Variants in ASTN2 observed in about 807,000 individuals in gnomAD.
ASTN2 encodes astrotactin-2.
A neutral mutation model predicts 139.8 loss-of-function variants in ASTN2; 54 were observed. The ratio of observed to expected loss-of-function variants is 0.39; its 90% CI spans 0.31 to 0.48. The LOEUF is 0.48. ASTN2 is among the 20% of genes least tolerant of loss of function. The pLI is 0.95. For synonymous variants in ASTN2, 756 were observed against 719.5 expected (o/e 1.05, Z -0.81); for missense variants, 1,565 against 1,725.1 (o/e 0.91, Z 1.64).
intron 3 of ASTN2, among the ~76,000 whole-genome samples, chr9:117,203,282 T>C (rs753973172): frequency 7.9e-5 from 12 of 152,092 alleles, no homozygotes; most frequent in Non-Finnish European, 1.2e-4. Flanking sequence ...TGTTAGAACA[T>C]GCTCCTTTAG....
chr9:116,880,368 G>A (rs1005628331), intron 10 of ASTN2, among the ~76,000 whole-genome samples: 8 of 152,166 alleles, frequency 5.3e-5, no homozygotes, highest in Non-Finnish European at 7.3e-5. Flanking sequence ...CTGTCACTGT[G>A]AATATAATCA....
rs561472170 is a variant in ASTN2 at position 116,471,977 on chromosome 9, A to G, written c.3497+15382T>C. On this transcript the variant is annotated intron_variant, in intron 20 of 22. Transcript: ENST00000313400. The stretch of plus-strand genomic sequence containing the variant: ...AAACCCGCGAGTGCAACAGCCCCAC[A>G]TGCCATGACCTCCATCGTCTGTCTC... Among the ~76,000 whole-genome samples, 4 of 152,204 alleles carry G rather than the reference A, an allele frequency of 2.6e-5. No homozygotes were observed. In the East Asian group the frequency reaches 7.8e-4, roughly 29 times the overall value.
At chr9:116,633,727 A>G (rs547457711) in intron 17 of ASTN2, among the ~76,000 whole-genome samples, 2 of 152,234 alleles carry the variant, frequency 1.3e-5, no homozygotes, top group South Asian at 4.1e-4. Context: ...TATCTGAGGG[A>G]GGAAGCCTCT....
At chr9:116,892,366 G>T (rs373390777) in intron 10 of ASTN2, among the ~76,000 whole-genome samples, 7 of 152,130 alleles carry the variant, frequency 4.6e-5, no homozygotes, top group East Asian at 3.8e-4. Flanking sequence ...AATTGACAGA[G>T]TCTTAGCTTA....
intron 11 of ASTN2, among the ~76,000 whole-genome samples, chr9:116,831,667 C>A (rs1186530058): frequency 6.6e-6 from 1 of 152,068 alleles, no homozygotes; most frequent in Non-Finnish European, 1.5e-5. Context: ...GGGGTGAAAG[C>A]AGCATAAATT....
At chr9:116,604,146 T>C (rs1179191481) in intron 19 of ASTN2, among the ~76,000 whole-genome samples, 18 of 152,188 alleles carry the variant, frequency 1.2e-4, no homozygotes, top group Admixed American at 1.2e-3. Flanking sequence ...ATGCCTGTCC[T>C]GTTACCATTC....
intron 1 of ASTN2, among the ~76,000 whole-genome samples, chr9:117,309,454 T>C (rs183175079): frequency 6.6e-6 from 1 of 152,194 alleles, no homozygotes; most frequent in Non-Finnish European, 1.5e-5. Context: ...CAATACTGTT[T>C]GCAGAATGCG....
intron 1 of ASTN2, among the ~76,000 whole-genome samples, chr9:117,310,273 G>A (rs569597445): frequency 6.2e-4 from 94 of 152,252 alleles, no homozygotes; most frequent in African/African-American, 2.2e-3. Flanking sequence ...AGGGGTGGAA[G>A]GCTTACTTTC....
intron 3 of ASTN2, among the ~76,000 whole-genome samples, chr9:117,144,427 G>A (rs1487284877): frequency 2.6e-5 from 4 of 152,114 alleles, no homozygotes; most frequent in African/African-American, 9.7e-5. Flanking sequence ...CGGCCCAGGG[G>A]CCACAGGCAG....
chr9:117,233,210 C>G (rs1422256599), intron 2 of ASTN2, among the ~76,000 whole-genome samples: 1 of 152,174 alleles, frequency 6.6e-6, no homozygotes, highest in Non-Finnish European at 1.5e-5. Flanking sequence ...GGAGGAGGCC[C>G]TGCTTCCAAT....
At chr9:116,632,185 G>GGA (rs1554723278) in intron 17 of ASTN2, among the ~76,000 whole-genome samples, 35 of 48,680 alleles carry the variant, frequency 7.2e-4, no homozygotes, top group African/African-American at 1.7e-3. Flanking sequence ...AGAGAGAGAG[G>GGA]GAGAGAGAGA....
At chr9:116,891,784 T>C (rs1052283868) in intron 10 of ASTN2, among the ~76,000 whole-genome samples, 2 of 152,230 alleles carry the variant, frequency 1.3e-5, no homozygotes, top group African/African-American at 2.4e-5. Context: ...ATTACATATA[T>C]GTTTTTAAAG....
intron 10 of ASTN2, among the ~76,000 whole-genome samples, chr9:116,941,500 G>A (rs1835228366): frequency 6.6e-6 from 1 of 151,574 alleles, no homozygotes; most frequent in Admixed American, 6.6e-5. Context: ...CTCAGAGAAG[G>A]GTGAGCTGCT....
intron 10 of ASTN2, among the ~76,000 whole-genome samples, chr9:116,865,503 A>G (rs1046912094): frequency 1.3e-5 from 2 of 148,944 alleles, no homozygotes; most frequent in African/African-American, 4.9e-5. Flanking sequence ...ACTGATCTAC[A>G]GTGCGGGTCT....
chr9:116,993,872 A>ATTTT (rs1431725957), intron 7 of ASTN2, among the ~76,000 whole-genome samples: 95 of 135,680 alleles, frequency 7.0e-4, no homozygotes, highest in African/African-American at 2.6e-3. Flanking sequence ...ATATATATAT[A>ATTTT]TATATTTTAA....
chr9:116,778,638 T>G (rs1830144162), intron 13 of ASTN2, among the ~76,000 whole-genome samples: 1 of 152,134 alleles, frequency 6.6e-6, no homozygotes. Flanking sequence ...TAGCTATAGC[T>G]CCTTCCACTT....
chr9:116,489,390 G>A (rs1849441411), intron 19 of ASTN2, among the ~76,000 whole-genome samples: 3 of 151,890 alleles, frequency 2.0e-5, no homozygotes, highest in Admixed American at 2.0e-4. Flanking sequence ...AGTCTGGAGT[G>A]CAGTGGTGCA....
At chr9:116,984,011 T>C (rs1214909521) in intron 7 of ASTN2, among the ~76,000 whole-genome samples, 3 of 152,238 alleles carry the variant, frequency 2.0e-5, no homozygotes, top group African/African-American at 7.2e-5. Context: ...CAAAAGTTTC[T>C]GATGTACTTT....
At chr9:116,895,648 G>A (rs16934033) in intron 10 of ASTN2, among the ~76,000 whole-genome samples, 7,275 of 152,220 alleles carry the variant, frequency 0.048, 371 homozygotes, top group African/African-American at 0.13. Context: ...TATTCAACAG[G>A]ACAGCAAATG....
Sources: gnomAD v4.1 joint callset for allele counts (sites outside exome capture counted in the v4.1 genomes callset) on GRCh38, gnomAD v4.1.1 for gene constraint, MANE v1.5 for transcripts, NCBI Gene and HGNC (gene_info 2026-07-23, HGNC 2026-07-21) for gene names.